The following CERS1 variants were observed in gnomAD, a reference collection of about 807,000 sequenced individuals.
CERS1 encodes the protein ceramide synthase 1.
Under a neutral mutation model 35.7 loss-of-function variants are expected in CERS1, and 16 were observed. The observed-to-expected ratio is 0.45, with a 90% CI of 0.30 to 0.68. The LOEUF (loss-of-function observed/expected upper bound fraction) is 0.68. Ranked by LOEUF, CERS1 falls within the 30% of genes least tolerant of loss-of-function variation. The probability of loss-of-function intolerance (pLI) is 0.08; values close to 1 mark genes in which losing one functional copy is unlikely to be tolerated. For missense variants in CERS1, 454 were observed against 453.9 expected (o/e 1.00, Z 0.00); for synonymous variants, 243 against 201.6 (o/e 1.21, Z -1.74).
At chr19:18,874,744 TGAG>T (rs929323840) in intron 6 of CERS1, among the ~76,000 whole-genome samples, 7 of 151,936 alleles carry the variant, frequency 4.6e-5, no homozygotes, top group African/African-American at 1.7e-4. Flanking sequence ...CTGAGGGCCA[TGAG>T]GAGGACAGGG....
At chr19:18,874,385 C>A (rs895632218) in intron 6 of CERS1, among the ~76,000 whole-genome samples, 2 of 152,180 alleles carry the variant, frequency 1.3e-5, no homozygotes, top group Non-Finnish European at 2.9e-5. Context: ...CTCACTGCAG[C>A]CTTGACCTCC....
At chr19:18,874,296 T>G (rs2056024427) in intron 6 of CERS1, among the ~76,000 whole-genome samples, 2 of 152,026 alleles carry the variant, frequency 1.3e-5, no homozygotes, top group Admixed American at 6.6e-5. Context: ...GGTGCTGAAG[T>G]TCACAGTTTT....
chr19:18,889,381 G>A (rs542275008), intron 2 of CERS1, among the ~76,000 whole-genome samples: 136 of 152,084 alleles, frequency 8.9e-4, no homozygotes, highest in South Asian at 7.3e-3. Flanking sequence ...CACAGGATAG[G>A]GGGGAAGTCC....
chr19:18,884,709 C>CTTTTTTTT (rs36074874), intron 2 of CERS1, among the ~76,000 whole-genome samples: 11 of 69,130 alleles, frequency 1.6e-4, no homozygotes, highest in South Asian at 6.5e-4. Flanking sequence ...GCCCAGCCGT[C>CTTTTTTTT]TTTTTTTTTT....
In CERS1 at chr19:18,868,614, C is replaced by T. The variant is rs369804280; in HGVS notation, c.*1371G>A. On this transcript the variant is annotated 3_prime_UTR_variant, in exon 8 of 8. Coordinates refer to ENST00000623882, the MANE Select transcript of CERS1 (RefSeq NM_021267.5). ...GCCCCGGGTTAGCGGCAGCCGCACT[C>T]GTCCACCACCATGTCCTCATACTGC... 8.3e-5 allele frequency: 130 copies of T among 1,564,150 alleles called. No individual in the cohort carries two copies. The highest frequency in any genetic ancestry group is 1.1e-4 in the Non-Finnish European group (122 of 1,154,538).
In CERS1 at chr19:18,870,366, G is replaced by T; in HGVS notation, c.*211C>A. The T allele has an allele frequency of 6.5e-7, 1 of 1,535,988 alleles. No homozygotes were observed. Among genetic ancestry groups the T allele is most frequent in the South Asian group, 1.2e-5 (1 of 83,432 alleles). ...GGTCCGCGGCGGCCCGGGACCAGTG[G>T]GCTGAGGGCGGGGCCGGTGTCCCCG... On this transcript the variant is annotated 3_prime_UTR_variant, in exon 7 of 8. Coordinates refer to ENST00000623882, the MANE Select transcript of CERS1 (RefSeq NM_021267.5). This position sits in a 1 kb window ranked among gnomAD's most constrained non-coding sequence, Gnocchi z 5.1.
At position 18,870,265 on chromosome 19, in the gene CERS1, G is replaced by A. The variant is rs1046754957; in HGVS notation, c.*312C>T. The stretch of plus-strand genomic sequence containing the variant: ...GAGGGCAGCAGCAGGGCCAGGAGGA[G>A]GAGGAGGTGGTGGCCGCAGGGACCT... On this transcript the variant is annotated 3_prime_UTR_variant, in exon 7 of 8. Coordinates refer to ENST00000623882, the MANE Select transcript of CERS1 (RefSeq NM_021267.5). This position sits in a 1 kb window ranked among gnomAD's most constrained non-coding sequence, Gnocchi z 5.1. 1 of 1,550,786 alleles carries A rather than the reference G, an allele frequency of 6.4e-7. No individual in the cohort carries two copies. The highest frequency in any genetic ancestry group is 1.4e-5 in the African/African-American group (1 of 73,158).
At position 18,878,112 on chromosome 19, in the gene CERS1, T is replaced by C; in HGVS notation, c.1010+818A>G. ...GCCACTGCTTCCCTGAAACCATCGT[T>C]CCCACGTCACCGATGGCCCCCACCG... is the stretch of plus-strand genomic sequence containing the variant. On this transcript the variant is annotated intron_variant, in intron 6 of 7. Coordinates refer to ENST00000623882, the MANE Select transcript of CERS1 (RefSeq NM_021267.5). This position sits in a 1 kb window ranked among gnomAD's most constrained non-coding sequence, Gnocchi z 4.6. The C allele has an allele frequency of 1.0e-6, 1 of 985,494 alleles. No individual in the cohort carries two copies. Among genetic ancestry groups the C allele is most frequent in the East Asian group, 1.1e-4 (1 of 8,802 alleles). The allele number at this position is 985,494 out of a possible 1,614,324, so 61.0% of individuals were successfully genotyped here. A position where few individuals can be genotyped will look rare whatever the true frequency, so the allele number is the denominator to read the frequency against.
chr19:18,875,775 GAA>G (rs1183106363), intron 6 of CERS1, among the ~76,000 whole-genome samples: 1 of 152,158 alleles, frequency 6.6e-6, no homozygotes, highest in Non-Finnish European at 1.5e-5. Flanking sequence ...TTATGAGAGA[GAA>G]GAGAGACAGA....
chr19:18,893,618 C>T, intron 1 of CERS1, 43 bp from the exon 2 acceptor site: 1 of 1,566,338 alleles, frequency 6.4e-7, no homozygotes, highest in Non-Finnish European at 8.6e-7. Flanking sequence ...GTGCTGGGGG[C>T]CAGAGACTGC....
At chr19:18,892,805 G>C (rs1257439341) in intron 2 of CERS1, among the ~76,000 whole-genome samples, 2 of 152,060 alleles carry the variant, frequency 1.3e-5, no homozygotes, top group African/African-American at 4.8e-5. Flanking sequence ...CTCCAACACG[G>C]CCAGATACCC....
intron 3 of CERS1, among the ~76,000 whole-genome samples, chr19:18,883,591 G>A (rs750665378): frequency 9.9e-5 from 15 of 152,216 alleles, no homozygotes; most frequent in Non-Finnish European, 1.8e-4. Flanking sequence ...TCGTTTGTAT[G>A]TGAAGGCTTT....
rs1166050221 is a variant in CERS1 at position 18,895,332 on chromosome 19, CCCGCATGGCAGGGAGGCGCATGGCGCAGG to C, written c.249+463_249+491del. On this transcript the variant is annotated intron_variant, in intron 1 of 7. Coordinates refer to ENST00000623882, the MANE Select transcript of CERS1 (RefSeq NM_021267.5). The surrounding 1 kb of genome is among the most constrained non-coding windows in gnomAD (Gnocchi z 6.4). The stretch of plus-strand genomic sequence containing the variant: ...GACCTCGCTCCGGGCCGGGGCGCAG[CCCGCATGGCAGGGAGGCGCATGGCGCAGG>C]CCGCGGTGCGCCGAGCCCTCCCGTT... Among the ~76,000 whole-genome samples the C allele has an allele frequency of 6.6e-6, 1 of 152,230 alleles. No individual in the cohort carries two copies. The highest frequency in any genetic ancestry group is 1.5e-5 in the Non-Finnish European group (1 of 68,034).
chr19:18,891,980 G>A (rs561284866), intron 2 of CERS1, among the ~76,000 whole-genome samples: 1 of 149,212 alleles, frequency 6.7e-6, no homozygotes, highest in South Asian at 2.1e-4. Flanking sequence ...TGCAACCTCC[G>A]CCTCCCGGGT....
chr19:18,881,343 C>T (rs1046914842), intron 3 of CERS1, among the ~76,000 whole-genome samples: 1 of 151,798 alleles, frequency 6.6e-6, no homozygotes, highest in South Asian at 2.1e-4. Flanking sequence ...CCTCAGCCTT[C>T]CCAAGTAGCT....
At chr19:18,888,519 TAAAA>T (rs781426705) in intron 2 of CERS1, among the ~76,000 whole-genome samples, 4 of 59,022 alleles carry the variant, frequency 6.8e-5, no homozygotes, top group Non-Finnish European at 8.9e-5. Flanking sequence ...CCCTGTCTCT[TAAAA>T]AAAAAAAAAA....
chr19:18,884,019 C>T lies in CERS1; in HGVS notation c.590+68G>A, dbSNP rs534528962. 60 of 1,516,500 alleles carry T rather than the reference C, an allele frequency of 4.0e-5. 1 individual carries two copies. In the South Asian group the frequency reaches 5.1e-4, roughly 13 times the overall value. 93.9% of individuals were successfully genotyped at this position (1,516,500 alleles called of 1,614,324 possible). A position where few individuals can be genotyped will look rare whatever the true frequency, so the allele number is the denominator to read the frequency against. On this transcript the variant is annotated intron_variant, in intron 3 of 7. Coordinates refer to ENST00000623882, the MANE Select transcript of CERS1 (RefSeq NM_021267.5). ...CTCCACGGCCTCCTCTGTGCCCCGC[C>T]GCAACATCAGCCTCCGCACTCTGTG...
At position 18,869,242 on chromosome 19, in the gene CERS1, G is replaced by GGCTGCCGCC. The variant is rs1455801094; in HGVS notation, c.*734_*742dup. ...CGCTCAGCTCCCAGCCGCCCTCCGG[G>GGCTGCCGCC]GCTGCCGCCGCCGCCGCCGCGAAAC... On this transcript the variant is annotated 3_prime_UTR_variant, in exon 8 of 8. Transcript: ENST00000623882. The GGCTGCCGCC allele has an allele frequency of 7.0e-6, 10 of 1,420,244 alleles. No individual in the cohort carries two copies. In the East Asian group the frequency reaches 2.7e-4, roughly 39 times the overall value. The allele number at this position is 1,420,244 out of a possible 1,614,324, so 88.0% of individuals were successfully genotyped here.
At chr19:18,875,966 A>C (rs1379071170) in intron 6 of CERS1, among the ~76,000 whole-genome samples, 1 of 152,222 alleles carries the variant, frequency 6.6e-6, no homozygotes, top group Non-Finnish European at 1.5e-5. Context: ...ATCCAGAAAT[A>C]TTAGAGAATA....
Sources: gnomAD v4.1 joint callset for allele counts (sites outside exome capture counted in the v4.1 genomes callset) on GRCh38, gnomAD v4.1.1 for gene constraint, Gnocchi (gnomAD v3.1) non-coding constraint, MANE v1.5 for transcripts, NCBI Gene and HGNC (gene_info 2026-07-23, HGNC 2026-07-21) for gene names.